Variants in DGCR2 observed in about 807,000 individuals in gnomAD.
DGCR2 encodes the protein DiGeorge syndrome critical region gene 2.
Under a neutral mutation model 51.6 loss-of-function variants are expected in DGCR2, and 24 were observed. That is an observed-to-expected ratio of 0.47 (90% CI 0.34 to 0.65). DGCR2 has a LOEUF of 0.65. Ranked by LOEUF, DGCR2 falls within the 30% of genes least tolerant of loss-of-function variation. DGCR2 has a pLI of 0.01. For missense variants in DGCR2, 765 were observed against 772.1 expected, an observed-to-expected ratio of 0.99 and a Z score of 0.11; for synonymous variants, 340 against 315.4, an observed-to-expected ratio of 1.08 and a Z score of -0.82.
intron 2 of DGCR2, among the ~76,000 whole-genome samples, chr22:19,088,998 C>T (rs1227046654): frequency 2.6e-5 from 4 of 152,124 alleles, no homozygotes; most frequent in Admixed American, 6.5e-5. Context: ...CATTCAGGAT[C>T]AAGAGGCACC....
chr22:19,064,993 C>G lies in DGCR2; in HGVS notation c.403G>C (p.Gly135Arg), dbSNP rs34285832. The change falls in exon 4 of 10, where the codon GGG (glycine) becomes CGG (arginine). Residue 135 changes from glycine to arginine, a missense_variant. This residue lies in a region of DGCR2 where 370 missense variants were observed against 325.5 expected (regional missense o/e 1.14). Coordinates refer to ENST00000263196, the MANE Select transcript of DGCR2 (RefSeq NM_005137.3). ...TGCGCGGCATCCCAGTAGTTCTCCC[C>G]GCTCAGGTAGACCCGGTAGCAGCTG... The part of the protein sequence containing the change: ...TASCYRVYLS[G>R]ENYWDAAQTC... 2 of 1,614,044 alleles carry G rather than the reference C, an allele frequency of 1.2e-6. No individual in the cohort carries two copies. The highest frequency in any genetic ancestry group is 1.7e-6 in the Non-Finnish European group (2 of 1,180,048).
Position 19,038,317 on chromosome 22 carries a change from G to A in DGCR2, c.*548C>T, listed in dbSNP as rs1452670801. On this transcript the variant is annotated 3_prime_UTR_variant, in exon 10 of 10. Transcript: ENST00000263196. ...CTTGATATTCACAACTGGGCTTGTG[G>A]GGGCCATCTTCAGTGCAACCGTTGT... 6.5e-6 allele frequency: 1 copy of A among 153,546 alleles called. No individual in the cohort carries two copies. Among genetic ancestry groups the A allele is most frequent in the Non-Finnish European group, 1.4e-5 (1 of 68,986 alleles). 9.5% of individuals were successfully genotyped at this position (153,546 alleles called of 1,614,324 possible).
intron 3 of DGCR2, 81 bp from the exon 4 acceptor site, chr22:19,065,148 G>A (rs2082734318): frequency 1.2e-5 from 15 of 1,223,238 alleles, no homozygotes; most frequent in Non-Finnish European, 1.4e-5. Context: ...TCAGGGACAG[G>A]CACACCTTGT....
At chr22:19,092,150 A>G (rs999401297) in intron 1 of DGCR2, among the ~76,000 whole-genome samples, 6 of 152,168 alleles carry the variant, frequency 3.9e-5, no homozygotes, top group African/African-American at 1.4e-4. Flanking sequence ...GTTCGAGACC[A>G]GCCTGGCCAA....
chr22:19,060,168 C>T (rs2082645259), intron 5 of DGCR2, among the ~76,000 whole-genome samples: 1 of 152,198 alleles, frequency 6.6e-6, no homozygotes, highest in African/African-American at 2.4e-5. Flanking sequence ...CTCTACAATG[C>T]ACCTTCCAGT....
intron 5 of DGCR2, 131 bp downstream of exon 5, chr22:19,063,071 C>A: frequency 2.6e-6 from 2 of 778,056 alleles, no homozygotes; most frequent in Non-Finnish European, 4.2e-6. Flanking sequence ...CTCCCTGCAA[C>A]TGGGGCTCAC....
chr22:19,068,190 C>G lies in DGCR2; in HGVS notation c.238G>C (p.Glu80Gln). Reference sequence around the variant, plus strand: ...CGCCCCTGCCGCGGATCCACAGCCTCCTTCCCATGATGAGGACGCACCTCC... The same window carrying G: ...CGCCCCTGCCGCGGATCCACAGCCTGCTTCCCATGATGAGGACGCACCTCC... ...TGEVRPHHGK[E>Q]AVDPRQGRAR... is the part of the protein sequence containing the mutation. Residue 80 changes from glutamate to glutamine, a missense_variant, in exon 3 of 10, where the codon GAG (glutamate) becomes CAG (glutamine). This residue lies in a region of DGCR2 where 370 missense variants were observed against 325.5 expected (regional missense o/e 1.14). Coordinates refer to ENST00000263196, the MANE Select transcript of DGCR2 (RefSeq NM_005137.3). 6.2e-7 allele frequency: 1 copy of G among 1,611,090 alleles called. No homozygotes were observed. The highest frequency in any genetic ancestry group is 1.1e-5 in the South Asian group (1 of 90,738).
At position 19,063,200 on chromosome 22, in the gene DGCR2, A is replaced by C; in HGVS notation, c.625+2T>G. On this transcript the variant is annotated splice_donor_variant, in intron 5 of 9. Coordinates refer to ENST00000263196, the MANE Select transcript of DGCR2 (RefSeq NM_005137.3). LOFTEE classifies it high-confidence loss of function. ...ACACTCCCACACACCAGAAGGGCTC[A>C]CCTTTGAATGCCACCTCCCAGCGAC... 1 of 1,613,902 alleles carries C rather than the reference A, an allele frequency of 6.2e-7. No homozygotes were observed. The highest frequency in any genetic ancestry group is 8.5e-7 in the Non-Finnish European group (1 of 1,179,832).
intron 1 of DGCR2, among the ~76,000 whole-genome samples, chr22:19,098,188 A>G (rs1687413189): frequency 6.6e-6 from 1 of 152,154 alleles, no homozygotes; most frequent in South Asian, 2.1e-4. Flanking sequence ...GCCTTAGTCC[A>G]TGGCATCCCC....
At chr22:19,106,330 G>T (rs924794781) in intron 1 of DGCR2, among the ~76,000 whole-genome samples, 3 of 152,202 alleles carry the variant, frequency 2.0e-5, no homozygotes, top group Admixed American at 6.5e-5. Context: ...TAAATGCTCT[G>T]AGAGGGACCC....
chr22:19,086,732 G>T (rs1319689891), intron 2 of DGCR2, among the ~76,000 whole-genome samples: 1 of 152,124 alleles, frequency 6.6e-6, no homozygotes, highest in African/African-American at 2.4e-5. Flanking sequence ...TTCTATGAGA[G>T]ATTTTATTTT....
intron 2 of DGCR2, among the ~76,000 whole-genome samples, chr22:19,080,112 A>G (rs2082919803): frequency 6.6e-6 from 1 of 152,214 alleles, no homozygotes; most frequent in African/African-American, 2.4e-5. Context: ...CTGTCTGGGA[A>G]AACACCTGGC....
intron 5 of DGCR2, among the ~76,000 whole-genome samples, chr22:19,062,267 G>A (rs531046084): frequency 4.7e-4 from 71 of 152,274 alleles, no homozygotes; most frequent in Admixed American, 3.6e-3. Flanking sequence ...GAGCAGGATC[G>A]GGACAGCAGG....
intron 2 of DGCR2, among the ~76,000 whole-genome samples, chr22:19,071,481 T>TA (rs576018440): frequency 2.3e-4 from 33 of 144,562 alleles, no homozygotes; most frequent in Middle Eastern, 3.6e-3. Context: ...TATTGCTACC[T>TA]AAAAAAAAAA....
At chr22:19,046,178 T>C (rs910941651) in intron 7 of DGCR2, 2 of 152,224 alleles carry the variant, frequency 1.3e-5, no homozygotes, top group African/African-American at 4.8e-5. Flanking sequence ...TTTCCTTTTA[T>C]TTAAGCCTTT....
chr22:19,117,878 T>A (rs2083389941), intron 1 of DGCR2, among the ~76,000 whole-genome samples: 1 of 152,196 alleles, frequency 6.6e-6, no homozygotes, highest in Non-Finnish European at 1.5e-5. Flanking sequence ...AAGCCAAATC[T>A]ACCAGTGGAC....
chr22:19,065,841 C>A (rs957296744), intron 3 of DGCR2: 2 of 152,236 alleles, frequency 1.3e-5, no homozygotes, highest in Non-Finnish European at 2.9e-5. Flanking sequence ...AGAAGAGTGA[C>A]AATTTTTAGC....
At chr22:19,096,629 AAAG>A (rs1354173964) in intron 1 of DGCR2, among the ~76,000 whole-genome samples, 1 of 152,016 alleles carries the variant, frequency 6.6e-6, no homozygotes, top group Non-Finnish European at 1.5e-5. Flanking sequence ...AATGCAGGAA[AAAG>A]GAAAAAAAAA....
intron 1 of DGCR2, among the ~76,000 whole-genome samples, chr22:19,114,245 C>A (rs995115440): frequency 4.0e-5 from 6 of 151,474 alleles, no homozygotes; most frequent in African/African-American, 1.2e-4. Flanking sequence ...AATATAATTC[C>A]ATTTATGTAA....
Sources: gnomAD v4.1 joint callset for allele counts (sites outside exome capture counted in the v4.1 genomes callset) on GRCh38, gnomAD v4.1.1 for gene constraint, gnomAD v4.1.1 regional missense constraint, MANE v1.5 for transcripts, NCBI Gene and HGNC (gene_info 2026-07-23, HGNC 2026-07-21) for gene names.